C1orf116: variants seen among roughly 807,000 people sequenced by gnomAD.
C1orf116 encodes chromosome 1 open reading frame 116, also known as specifically androgen-regulated gene protein.
C1orf116 carries 12 observed loss-of-function variants against 14.1 expected under a neutral mutation model. The observed-to-expected ratio is 0.85, with a 90% CI of 0.54 to 1.38. The LOEUF (loss-of-function observed/expected upper bound fraction) is 1.38. Among genes scored for constraint, C1orf116 ranks in the 40% most tolerant of loss-of-function variants. The pLI, the probability that C1orf116 is intolerant of heterozygous loss-of-function variation, is 0.00. For missense variants in C1orf116, 797 were observed against 747.0 expected, an observed-to-expected ratio of 1.07 and a Z score of -0.78; for synonymous variants, 296 against 299.0, an observed-to-expected ratio of 0.99 and a Z score of 0.10.
At position 207,022,903 on chromosome 1, in the gene C1orf116, G is replaced by C. The variant is rs774024009; in HGVS notation, c.861C>G (p.Asn287Lys). Residue 287 changes from asparagine to lysine, a missense_variant, in exon 4 of 4, where the codon AAC becomes AAG. Coordinates refer to ENST00000359470, the MANE Select transcript of C1orf116 (RefSeq NM_023938.6). ...GGGTTGTGAGGGGAGCTAGTCGGCT[G>C]TTTGGGTCCTCCCCTGATGAGAGGG... The part of the protein sequence containing the change: ...DAPLSSGEDP[N>K]SRLAPLTTPK... The C allele has an allele frequency of 3.2e-5, 52 of 1,614,094 alleles. No homozygotes were observed. The highest frequency in any genetic ancestry group is 4.1e-5 in the Non-Finnish European group (48 of 1,179,984).
At position 207,019,699 on chromosome 1, in the gene C1orf116, A is replaced by T. The variant is rs1282450690; in HGVS notation, c.*2259T>A. 1 of 152,206 alleles carries T rather than the reference A, an allele frequency of 6.6e-6. No homozygotes were observed. The highest frequency in any genetic ancestry group is 1.5e-5 in the Non-Finnish European group (1 of 68,044). The allele number at this position is 152,206 out of a possible 1,614,324, so 9.4% of individuals were successfully genotyped here. On this transcript the variant is annotated 3_prime_UTR_variant, in exon 4 of 4. Transcript: ENST00000359470. Reference sequence around the variant, plus strand: ...AAGAGCAAAATATGCTCCTTGAAGGATGAGGATGTGGAGAAGCACGGTATC... The same window carrying T: ...AAGAGCAAAATATGCTCCTTGAAGGTTGAGGATGTGGAGAAGCACGGTATC...
chr1:207,027,139 T>TG (rs1360323813), intron 2 of C1orf116, among the ~76,000 whole-genome samples: 1 of 152,248 alleles, frequency 6.6e-6, no homozygotes, highest in Admixed American at 6.5e-5. Context: ...AAAGTAATGC[T>TG]GCTCATTGCA....
At chr1:207,029,527 C>T (rs1208127947) in intron 1 of C1orf116, among the ~76,000 whole-genome samples, 1 of 152,106 alleles carries the variant, frequency 6.6e-6, no homozygotes, top group Admixed American at 6.5e-5. Flanking sequence ...AGCAAAGGAG[C>T]TCCATCTCTG....
chr1:207,025,589 A>G (rs1682052075), intron 2 of C1orf116, among the ~76,000 whole-genome samples: 1 of 152,262 alleles, frequency 6.6e-6, no homozygotes, highest in Non-Finnish European at 1.5e-5. Context: ...CAGTATGAGG[A>G]AAAGCAGGAA....
intron 1 of C1orf116, among the ~76,000 whole-genome samples, chr1:207,028,799 T>A (rs1013329036): frequency 2.0e-5 from 3 of 152,216 alleles, no homozygotes; most frequent in African/African-American, 7.2e-5. Context: ...TATGTTAAAA[T>A]GAAATTCTAA....
Position 207,023,156 on chromosome 1 carries a change from G to C in C1orf116, c.608C>G (p.Ala203Gly), listed in dbSNP as rs1421435807. Residue 203 changes from alanine (A) to glycine (G), a missense_variant, in exon 4 of 4, where the codon GCT becomes GGT. Ala to Gly is a moderately conservative substitution (Grantham distance 60). Transcript: ENST00000359470. ...LDVVLIPPPE[A>G]FRDTQPEQCR... ...CTGCTCTGGCTGGGTGTCCCGGAAAGCTTCTGGCGGAGGGATGAGCACCAC... is the reference window on the plus strand; with the variant it reads ...CTGCTCTGGCTGGGTGTCCCGGAAACCTTCTGGCGGAGGGATGAGCACCAC... 1 of 1,611,332 alleles carries C rather than the reference G, an allele frequency of 6.2e-7. No homozygotes were observed. Among genetic ancestry groups the C allele is most frequent in the East Asian group, 2.2e-5 (1 of 44,876 alleles).
intron 3 of C1orf116, among the ~76,000 whole-genome samples, chr1:207,024,108 C>A (rs1681980069): frequency 6.6e-6 from 1 of 152,158 alleles, no homozygotes; most frequent in African/African-American, 2.4e-5. Context: ...CCATAGTGTC[C>A]CCACACCAGA....
chr1:207,027,423 G>T (rs1456745483), intron 2 of C1orf116, 71 bp downstream of exon 2: 3 of 1,581,900 alleles, frequency 1.9e-6, no homozygotes, highest in East Asian at 2.2e-5. Flanking sequence ...GGCAGGAAAG[G>T]ATAGGGCAGG....
In C1orf116 at chr1:207,025,075, T is replaced by C. The variant is rs775440577; in HGVS notation, c.106-11A>G. The C allele has an allele frequency of 3.7e-6, 1 of 267,692 alleles. No individual in the cohort carries two copies. Among genetic ancestry groups the C allele is most frequent in the East Asian group, 1.8e-4 (1 of 5,692 alleles). 16.6% of individuals were successfully genotyped at this position (267,692 alleles called of 1,614,324 possible). On this transcript the variant is annotated splice_polypyrimidine_tract_variant and intron_variant, in intron 2 of 3. Transcript: ENST00000359470. ...GTAGCTGCTATCACTCTGTTGGGTT[T>C]GGGGTTGGGGGCGGGGGCGGGGAGG...
rs766564972 is a variant in C1orf116, at chr1:207,022,909, G to T, written c.855C>A (p.Asp285Glu). The change falls in exon 4 of 4, where the codon GAC (aspartate) becomes GAA (glutamate). Residue 285 changes from aspartate (D) to glutamate (E), a missense_variant. Transcript: ENST00000359470. Reference protein sequence around the residue: ...AEDAPLSSGEDPNSRLAPLTT... With the variant: ...AEDAPLSSGEEPNSRLAPLTT... Reference sequence around the variant, plus strand: ...TGAGGGGAGCTAGTCGGCTGTTTGGGTCCTCCCCTGATGAGAGGGGAGCAT... The same window carrying T: ...TGAGGGGAGCTAGTCGGCTGTTTGGTTCCTCCCCTGATGAGAGGGGAGCAT... The T allele has an allele frequency of 6.2e-6, 10 of 1,614,080 alleles. No individual in the cohort carries two copies. The highest frequency in any genetic ancestry group is 8.5e-6 in the Non-Finnish European group (10 of 1,179,984).
rs768944178 is a variant in C1orf116, at chr1:207,022,201, A to C, written c.1563T>G (p.Ser521Arg). ...GGCGGGGCCGAGAATTACGTAAGAC[A>C]CTGGGCGAGATCTTGTCCAAGAAGG... Reference protein sequence around the residue: ...KGSFLDKISPSVLRNSRPRPA... With the variant: ...KGSFLDKISPRVLRNSRPRPA... The change falls in exon 4 of 4, where the codon AGT (serine) becomes AGG (arginine). Residue 521 changes from serine (S) to arginine (R), a missense_variant. Ser to Arg is a moderately radical substitution (Grantham distance 110, BLOSUM62 -1). Coordinates refer to ENST00000359470, the MANE Select transcript of C1orf116 (RefSeq NM_023938.6). 8 of 1,613,944 alleles carry C rather than the reference A, an allele frequency of 5.0e-6. No homozygotes were observed. The highest frequency in any genetic ancestry group is 6.8e-6 in the Non-Finnish European group (8 of 1,180,022).
chr1:207,027,648 C>T lies in C1orf116; in HGVS notation c.-50G>A, dbSNP rs754865414. On this transcript the variant is annotated 5_prime_UTR_variant, in exon 2 of 4. Transcript: ENST00000359470. ...GCAAAGGGGGCTTCTAGAGGGGAAG[C>T]GAGGGGAAGTGAACAATGTCCCAAG... The T allele has an allele frequency of 2.0e-5, 32 of 1,599,838 alleles. No homozygotes were observed. The highest frequency in any genetic ancestry group is 2.2e-5 in the South Asian group (2 of 90,866).
Position 207,024,969 on chromosome 1 carries a change from G to T in C1orf116, c.201C>A (p.Ser67Arg). ...GCTCAGACTCGTCAGTGGACAGTCCGCTGTCAGCCTCCGTGTCCAGTGAGC... is the reference window on the plus strand; with the variant it reads ...GCTCAGACTCGTCAGTGGACAGTCCTCTGTCAGCCTCCGTGTCCAGTGAGC... Reference protein sequence around the residue: ...TIGSLDTEADSGLSTDESEPA... With the variant: ...TIGSLDTEADRGLSTDESEPA... The change falls in exon 3 of 4, where the codon AGC (serine) becomes AGA (arginine). Residue 67 changes from serine to arginine, a missense_variant. By Grantham distance (110) the Ser-to-Arg change is moderately radical. Transcript: ENST00000359470. 6.2e-7 allele frequency: 1 copy of T among 1,613,966 alleles called. No homozygotes were observed. The highest frequency in any genetic ancestry group is 1.1e-5 in the South Asian group (1 of 91,072).
chr1:207,025,080 T>TGGGGGGG lies in C1orf116; in HGVS notation c.106-17_106-16insCCCCCCC. On this transcript the variant is annotated splice_polypyrimidine_tract_variant and intron_variant, in intron 2 of 3. Coordinates refer to ENST00000359470, the MANE Select transcript of C1orf116 (RefSeq NM_023938.6). Reference sequence around the variant, plus strand: ...TGCTATCACTCTGTTGGGTTTGGGGTTGGGGGCGGGGGCGGGGAGGCGGGG... The same window carrying TGGGGGGG: ...TGCTATCACTCTGTTGGGTTTGGGGTGGGGGGGTGGGGGCGGGGGCGGGGAGGCGGGG... The TGGGGGGG allele has an allele frequency of 9.0e-6, 1 of 110,816 alleles. No individual in the cohort carries two copies. The highest frequency in any genetic ancestry group is 1.3e-5 in the Non-Finnish European group (1 of 77,546). 6.9% of individuals were successfully genotyped at this position (110,816 alleles called of 1,614,324 possible).
At chr1:207,027,715 A>G in intron 1 of C1orf116, 36 bp from the exon 2 acceptor site, 1 of 1,486,920 alleles carries the variant, frequency 6.7e-7, no homozygotes, top group Non-Finnish European at 8.9e-7. Context: ...ACATGAGCCG[A>G]GGCTTCGGCA....
intron 2 of C1orf116, among the ~76,000 whole-genome samples, chr1:207,025,415 C>T (rs1055739325): frequency 6.6e-6 from 1 of 152,216 alleles, no homozygotes; most frequent in African/African-American, 2.4e-5. Flanking sequence ...TAGAAGCAGT[C>T]CCAAGTTTCA....
Position 207,024,880 on chromosome 1 carries a change from G to C in C1orf116, c.283+7C>G. ...GCTGGGGTTCCACCCCAGAGGGTCT[G>C]CCTTACCCCGGGGAGTGGGTTGGGT... is the stretch of plus-strand genomic sequence containing the variant. On this transcript the variant is annotated splice_region_variant and intron_variant, in intron 3 of 3. Coordinates refer to ENST00000359470, the MANE Select transcript of C1orf116 (RefSeq NM_023938.6). 6.2e-7 allele frequency: 1 copy of C among 1,609,718 alleles called. No individual in the cohort carries two copies. Among genetic ancestry groups the C allele is most frequent in the East Asian group, 2.2e-5 (1 of 44,688 alleles).
At chr1:207,025,628 G>A (rs1416381551) in intron 2 of C1orf116, among the ~76,000 whole-genome samples, 1 of 152,226 alleles carries the variant, frequency 6.6e-6, no homozygotes, top group Non-Finnish European at 1.5e-5. Context: ...TGCCAGGCCA[G>A]TAGGAACTGT....
In C1orf116 at chr1:207,018,551, C is replaced by T. The variant is rs1411129800; in HGVS notation, c.*3407G>A. ...TATTATCATTTATTGAGTAGCTACACTGTGGCCAGAACTAAGCTTTACATG... is the reference window on the plus strand; with the variant it reads ...TATTATCATTTATTGAGTAGCTACATTGTGGCCAGAACTAAGCTTTACATG... On this transcript the variant is annotated 3_prime_UTR_variant, in exon 4 of 4. Transcript: ENST00000359470. The T allele has an allele frequency of 6.6e-6, 1 of 152,220 alleles. No homozygotes were observed. Among genetic ancestry groups the T allele is most frequent in the South Asian group, 2.1e-4 (1 of 4,826 alleles). The allele number at this position is 152,220 out of a possible 1,614,324, so 9.4% of individuals were successfully genotyped here.
Sources: gnomAD v4.1 joint callset for allele counts (sites outside exome capture counted in the v4.1 genomes callset) on GRCh38, gnomAD v4.1.1 for gene constraint, MANE v1.5 for transcripts, NCBI Gene and HGNC (gene_info 2026-07-23, HGNC 2026-07-21) for gene names.